Variants in GFRA1 observed in about 807,000 individuals in gnomAD.
The protein encoded by GFRA1 is GDNF family receptor alpha 1, also known as GDNF family receptor alpha-1.
GFRA1 carries 16 observed loss-of-function variants against 51.6 expected under a neutral mutation model. The ratio of observed to expected loss-of-function variants is 0.31; its 90% CI spans 0.21 to 0.47. The LOEUF (loss-of-function observed/expected upper bound fraction) is 0.47, where lower values mean the gene tolerates loss of function less well. Ranked by LOEUF, GFRA1 falls within the 20% of genes least tolerant of loss-of-function variation. GFRA1 has a pLI of 1.00. For missense variants in GFRA1, 530 were observed against 594.3 expected, an observed-to-expected ratio of 0.89 and a Z score of 1.13; for synonymous variants, 270 against 241.3, an observed-to-expected ratio of 1.12 and a Z score of -1.10.
intron 6 of GFRA1, among the ~76,000 whole-genome samples, chr10:116,101,679 T>G (rs988769511): frequency 2.0e-5 from 3 of 152,112 alleles, no homozygotes; most frequent in Non-Finnish European, 4.4e-5. Flanking sequence ...GGTAAAAACA[T>G]ACCAGTAATG....
intron 4 of GFRA1, among the ~76,000 whole-genome samples, chr10:116,236,550 G>C (rs533744380): frequency 6.6e-6 from 1 of 152,270 alleles, no homozygotes; most frequent in South Asian, 2.1e-4. Flanking sequence ...AAAAAGATTA[G>C]AAGCAGGCAA....
chr10:116,188,023 T>C (rs903392127), intron 5 of GFRA1, among the ~76,000 whole-genome samples: 4 of 152,110 alleles, frequency 2.6e-5, no homozygotes, highest in Non-Finnish European at 5.9e-5. Flanking sequence ...TCAGATCTTA[T>C]AATCTGGTTG....
intron 4 of GFRA1, among the ~76,000 whole-genome samples, chr10:116,263,171 C>T (rs1198622006): frequency 6.6e-6 from 1 of 152,126 alleles, no homozygotes; most frequent in African/African-American, 2.4e-5. Flanking sequence ...TATAAGCAGC[C>T]TTCCTGAAGG....
At chr10:116,271,534 G>C (rs950574981) in intron 2 of GFRA1, among the ~76,000 whole-genome samples, 4 of 152,142 alleles carry the variant, frequency 2.6e-5, no homozygotes, top group African/African-American at 4.8e-5. Flanking sequence ...ACTGGGCACC[G>C]GGCGCGCGCT....
chr10:116,116,158 G>C (rs781137226), intron 6 of GFRA1, among the ~76,000 whole-genome samples: 1 of 152,184 alleles, frequency 6.6e-6, no homozygotes, highest in African/African-American at 2.4e-5. Context: ...GCAATGGTGC[G>C]ATCTCCACTC....
chr10:116,261,528 C>T (rs4525139), intron 4 of GFRA1, among the ~76,000 whole-genome samples: 151,250 of 152,350 alleles, frequency 0.99, 75,087 homozygotes, highest in East Asian at 1. Context: ...TTTCCCCTGT[C>T]TTCTGCATTT....
chr10:116,221,752 A>G (rs1377856098), intron 4 of GFRA1, among the ~76,000 whole-genome samples: 2 of 152,004 alleles, frequency 1.3e-5, no homozygotes, highest in African/African-American at 4.8e-5. Context: ...TAATATAATA[A>G]TCCCCATGTT....
intron 5 of GFRA1, among the ~76,000 whole-genome samples, chr10:116,136,232 T>A (rs899156431): frequency 3.9e-5 from 6 of 152,244 alleles, no homozygotes; most frequent in Admixed American, 1.3e-4. Flanking sequence ...GGTATTTAAT[T>A]GCTAACATCT....
At chr10:116,068,314 G>A (rs1275963883) in intron 9 of GFRA1, among the ~76,000 whole-genome samples, 1 of 152,246 alleles carries the variant, frequency 6.6e-6, no homozygotes, top group African/African-American at 2.4e-5. Context: ...GTTGAGCAGA[G>A]AGGCTCTGGA....
chr10:116,113,989 A>G (rs1957312719), intron 6 of GFRA1, among the ~76,000 whole-genome samples: 1 of 152,132 alleles, frequency 6.6e-6, no homozygotes, highest in African/African-American at 2.4e-5. Context: ...AAGCTCCCTG[A>G]GTCCTATATG....
chr10:116,236,802 C>A (rs567085664), intron 4 of GFRA1, among the ~76,000 whole-genome samples: 1 of 152,180 alleles, frequency 6.6e-6, no homozygotes, highest in African/African-American at 2.4e-5. Context: ...CCTCTGCAAC[C>A]GCCTTGGTGA....
Position 116,232,551 on chromosome 10 carries a change from T to C in GFRA1, c.419-20906A>G, listed in dbSNP as rs138113540. Among the ~76,000 whole-genome samples, 339 of 151,772 alleles carry C rather than the reference T, an allele frequency of 2.2e-3. 2 individuals are homozygous for C. The highest frequency in any genetic ancestry group is 3.4e-3 in the Non-Finnish European group (228 of 67,978). On this transcript the variant is annotated intron_variant, in intron 4 of 10. Transcript: ENST00000355422. Reference sequence around the variant, plus strand: ...TGGTGTTTAATGATGATAAAGGGCTTGTCTAATTTTGTAACAAATCACCAG... The same window carrying C: ...TGGTGTTTAATGATGATAAAGGGCTCGTCTAATTTTGTAACAAATCACCAG...
chr10:116,178,309 T>G (rs5003166), intron 5 of GFRA1, among the ~76,000 whole-genome samples: 130,205 of 146,338 alleles, frequency 0.89, 58,026 homozygotes, highest in Admixed American at 0.94. Context: ...CGGGGGGGCG[T>G]TTTACTCCCC....
intron 5 of GFRA1, among the ~76,000 whole-genome samples, chr10:116,192,036 A>C (rs1226748586): frequency 6.6e-6 from 1 of 152,190 alleles, no homozygotes; most frequent in Non-Finnish European, 1.5e-5. Context: ...TAAAAAATAA[A>C]ATAAAATAAA....
chr10:116,111,912 G>T (rs1367993901), intron 6 of GFRA1, among the ~76,000 whole-genome samples: 1 of 152,212 alleles, frequency 6.6e-6, no homozygotes, highest in Non-Finnish European at 1.5e-5. Flanking sequence ...CAGCACCGGT[G>T]ACTGTCCCTG....
At chr10:116,259,789 C>T (rs1969164946) in intron 4 of GFRA1, among the ~76,000 whole-genome samples, 1 of 152,178 alleles carries the variant, frequency 6.6e-6, no homozygotes, top group Admixed American at 6.5e-5. Context: ...CTAAGCTCTT[C>T]CAGGTATCAG....
chr10:116,180,642 C>T (rs927001427), intron 5 of GFRA1, among the ~76,000 whole-genome samples: 1 of 152,194 alleles, frequency 6.6e-6, no homozygotes, highest in Non-Finnish European at 1.5e-5. Context: ...TACCCACCCA[C>T]GGCCAATCAT....
intron 8 of GFRA1, among the ~76,000 whole-genome samples, chr10:116,090,875 T>C (rs1469134551): frequency 6.6e-6 from 1 of 152,216 alleles, no homozygotes; most frequent in Non-Finnish European, 1.5e-5. Flanking sequence ...CTCTTAGAAG[T>C]GACATTTTGT....
intron 5 of GFRA1, among the ~76,000 whole-genome samples, chr10:116,151,600 G>C (rs1376113450): frequency 1.3e-5 from 2 of 152,120 alleles, no homozygotes; most frequent in Non-Finnish European, 2.9e-5. Context: ...AGCTCCAATG[G>C]GAAAATAGAG....
Sources: gnomAD v4.1 joint callset for allele counts (sites outside exome capture counted in the v4.1 genomes callset) on GRCh38, gnomAD v4.1.1 for gene constraint, MANE v1.5 for transcripts, NCBI Gene and HGNC (gene_info 2026-07-23, HGNC 2026-07-21) for gene names.